The following DLGAP2 variants were observed in gnomAD, a reference collection of about 807,000 sequenced individuals.
The protein encoded by DLGAP2 is DLG associated protein 2.
A neutral mutation model predicts 100.3 loss-of-function variants in DLGAP2; 26 were observed. That is an observed-to-expected ratio of 0.26 (90% CI 0.19 to 0.36). The LOEUF (loss-of-function observed/expected upper bound fraction) is 0.36, where lower values mean the gene tolerates loss of function less well. Among genes scored for constraint, DLGAP2 ranks in the 10% least tolerant of loss-of-function variants. The pLI is 1.00. For synonymous variants in DLGAP2, 886 were observed against 630.1 expected, an observed-to-expected ratio of 1.41 and a Z score of -6.08; for missense variants, 1,858 against 1,453.2, an observed-to-expected ratio of 1.28 and a Z score of -4.53.
chr8:788,601 T>C (rs1385300974), intron 1 of DLGAP2, among the ~76,000 whole-genome samples: 1 of 152,232 alleles, frequency 6.6e-6, no homozygotes, highest in Non-Finnish European at 1.5e-5. Context: ...TATTTTTTCT[T>C]AAGGTGAAGT....
intron 2 of DLGAP2, among the ~76,000 whole-genome samples, chr8:974,416 T>A (rs1800110807): frequency 1.3e-5 from 2 of 152,202 alleles, no homozygotes; most frequent in East Asian, 3.8e-4. Flanking sequence ...ATTCTGTCTA[T>A]AGATGACTTC....
At chr8:1,140,548 G>A (rs754849922) in intron 2 of DLGAP2, among the ~76,000 whole-genome samples, 1 of 151,940 alleles carries the variant, frequency 6.6e-6, no homozygotes, top group Non-Finnish European at 1.5e-5. Context: ...TCACTCAGCC[G>A]GGCTGGGAGC....
intron 3 of DLGAP2, among the ~76,000 whole-genome samples, chr8:1,265,629 A>G (rs1799435527): frequency 6.6e-6 from 1 of 152,230 alleles, no homozygotes; most frequent in Non-Finnish European, 1.5e-5. Context: ...GAAGCCAGAC[A>G]AGTACAGACA....
chr8:1,096,291 C>G (rs576797631), intron 2 of DLGAP2, among the ~76,000 whole-genome samples: 1 of 152,230 alleles, frequency 6.6e-6, no homozygotes, highest in Non-Finnish European at 1.5e-5. Context: ...GCTCAGACCT[C>G]TCCCAAGGAA....
chr8:1,321,545 C>T (rs187572967), intron 3 of DLGAP2, among the ~76,000 whole-genome samples: 2 of 152,364 alleles, frequency 1.3e-5, no homozygotes, highest in African/African-American at 4.8e-5. Flanking sequence ...CCTCTGCCTT[C>T]TAAGTCCTGA....
chr8:927,778 G>A (rs986269703), intron 2 of DLGAP2, among the ~76,000 whole-genome samples: 7 of 152,096 alleles, frequency 4.6e-5, no homozygotes, highest in Non-Finnish European at 8.8e-5. Flanking sequence ...GTTCTTGGTC[G>A]TTCCTGGAGA....
intron 1 of DLGAP2, among the ~76,000 whole-genome samples, chr8:750,372 G>A (rs923105537): frequency 2.0e-5 from 3 of 152,208 alleles, no homozygotes; most frequent in South Asian, 2.1e-4. Flanking sequence ...GAAATGGATC[G>A]ATTGATCTAA....
chr8:941,909 A>G (rs1399350453), intron 2 of DLGAP2, among the ~76,000 whole-genome samples: 3 of 152,018 alleles, frequency 2.0e-5, no homozygotes, highest in Non-Finnish European at 4.4e-5. Context: ...TACAGGGCTG[A>G]CATTACAGGT....
chr8:1,521,891 G>A (rs1299714680), intron 4 of DLGAP2, among the ~76,000 whole-genome samples: 2 of 149,978 alleles, frequency 1.3e-5, no homozygotes, highest in African/African-American at 2.5e-5. Flanking sequence ...GTTTTAATTT[G>A]GAATACTCGG....
intron 12 of DLGAP2, among the ~76,000 whole-genome samples, chr8:1,686,540 C>A (rs373446853): frequency 6.6e-6 from 1 of 152,030 alleles, no homozygotes; most frequent in South Asian, 2.1e-4. Flanking sequence ...TGGTGGCGCA[C>A]GCCTGTAATC....
At chr8:1,368,403 G>A (rs573522892) in intron 3 of DLGAP2, among the ~76,000 whole-genome samples, 13 of 152,248 alleles carry the variant, frequency 8.5e-5, no homozygotes, top group African/African-American at 3.1e-4. Flanking sequence ...GGGTATGTGT[G>A]TGTGCATGTA....
chr8:1,040,531 C>T (rs1375745206), intron 2 of DLGAP2, among the ~76,000 whole-genome samples: 6 of 146,392 alleles, frequency 4.1e-5, no homozygotes, highest in Non-Finnish European at 6.0e-5. Context: ...TTTCCGTGGT[C>T]GGCTCGGTGT....
At chr8:916,485 T>C (rs1215967989) in intron 2 of DLGAP2, among the ~76,000 whole-genome samples, 2 of 152,084 alleles carry the variant, frequency 1.3e-5, no homozygotes, top group Admixed American at 6.5e-5. Flanking sequence ...ATGAGAACAG[T>C]TGGACACAGG....
At chr8:758,178 A>G (rs989416823) in intron 1 of DLGAP2, among the ~76,000 whole-genome samples, 4 of 152,232 alleles carry the variant, frequency 2.6e-5, no homozygotes, top group African/African-American at 7.2e-5. Context: ...GTGGACAGTG[A>G]AGCCAGGACT....
intron 2 of DLGAP2, among the ~76,000 whole-genome samples, chr8:948,339 G>A (rs765764909): frequency 3.1e-4 from 47 of 152,202 alleles, no homozygotes; most frequent in Non-Finnish European, 6.5e-4. Context: ...CGTGAGGTCC[G>A]TGCAGAGGAA....
chr8:1,520,555 T>A (rs1800559240), intron 4 of DLGAP2, among the ~76,000 whole-genome samples: 1 of 152,150 alleles, frequency 6.6e-6, no homozygotes, highest in Non-Finnish European at 1.5e-5. Flanking sequence ...AGCAGTTTCC[T>A]TGCCCTAAAA....
intron 2 of DLGAP2, among the ~76,000 whole-genome samples, chr8:1,113,525 C>G (rs1805024740): frequency 6.6e-6 from 1 of 152,082 alleles, no homozygotes; most frequent in African/African-American, 2.4e-5. Flanking sequence ...TGTAAGAATG[C>G]TAGTGATTTT....
At chr8:817,449 C>A (rs7462459) in intron 1 of DLGAP2, among the ~76,000 whole-genome samples, 149,833 of 152,354 alleles carry the variant, frequency 0.98, 73,712 homozygotes, top group Middle Eastern at 1. Context: ...AATTGACCTG[C>A]ATTATTTTTC....
intron 4 of DLGAP2, among the ~76,000 whole-genome samples, chr8:1,538,376 A>G (rs1801226500): frequency 6.6e-6 from 1 of 152,170 alleles, no homozygotes; most frequent in South Asian, 2.1e-4. Flanking sequence ...GCACATTTTA[A>G]AACATGTTCT....
Sources: gnomAD v4.1 joint callset for allele counts (sites outside exome capture counted in the v4.1 genomes callset) on GRCh38, gnomAD v4.1.1 for gene constraint, MANE v1.5 for transcripts, NCBI Gene and HGNC (gene_info 2026-07-23, HGNC 2026-07-21) for gene names.